TAFA2: variants seen among roughly 807,000 people sequenced by gnomAD.
The protein encoded by TAFA2 is TAFA chemokine like family member 2.
In TAFA2, 7 loss-of-function variants were observed where a neutral mutation model predicts 18.8. The observed-to-expected ratio is 0.37, with a 90% CI of 0.21 to 0.70. The LOEUF (loss-of-function observed/expected upper bound fraction) is 0.70. Ranked by LOEUF, TAFA2 falls within the 30% of genes least tolerant of loss-of-function variation. TAFA2 has a pLI of 0.53. For missense variants in TAFA2, 122 were observed against 158.1 expected (o/e 0.77, Z 1.23); for synonymous variants, 60 against 54.2 (o/e 1.11, Z -0.47).
intron 1 of TAFA2, among the ~76,000 whole-genome samples, chr12:62,227,943 C>G (rs967918394): frequency 1.3e-5 from 2 of 151,876 alleles, no homozygotes; most frequent in Admixed American, 1.3e-4. Context: ...TTTCTTGATT[C>G]TCTCTTCTGT....
intron 1 of TAFA2, among the ~76,000 whole-genome samples, chr12:61,905,252 A>G (rs2121327597): frequency 6.6e-6 from 1 of 152,304 alleles, no homozygotes; most frequent in South Asian, 2.1e-4. Context: ...ATAAGAGATT[A>G]CTGTTCAAAA....
chr12:61,769,216 A>G (rs1475130321), intron 2 of TAFA2, among the ~76,000 whole-genome samples: 1 of 151,992 alleles, frequency 6.6e-6, no homozygotes, highest in Non-Finnish European at 1.5e-5. Context: ...CTGAGCTCAG[A>G]CATACCTAAC....
chr12:62,108,148 C>A (rs1869547847), intron 1 of TAFA2, among the ~76,000 whole-genome samples: 1 of 152,108 alleles, frequency 6.6e-6, no homozygotes, highest in African/African-American at 2.4e-5. Flanking sequence ...GTCCCCCACC[C>A]CCCAACAGGC....
intron 1 of TAFA2, among the ~76,000 whole-genome samples, chr12:61,960,914 T>G (rs1878862912): frequency 6.6e-6 from 1 of 151,978 alleles, no homozygotes; most frequent in Non-Finnish European, 1.5e-5. Context: ...TATTTGCTAT[T>G]GTATGAGTCT....
intron 1 of TAFA2, among the ~76,000 whole-genome samples, chr12:61,964,299 AG>A (rs1193152683): frequency 1.3e-5 from 2 of 152,004 alleles, no homozygotes; most frequent in East Asian, 3.9e-4. Context: ...ATTCTTTATT[AG>A]AAAATTACAT....
chr12:62,108,552 G>A (rs918977838), intron 1 of TAFA2, among the ~76,000 whole-genome samples: 30 of 152,164 alleles, frequency 2.0e-4, no homozygotes, highest in Non-Finnish European at 5.9e-5. Flanking sequence ...GATCCTTGAG[G>A]AATCGCCACA....
chr12:62,026,451 CCTG>C (rs1465649034), intron 1 of TAFA2, among the ~76,000 whole-genome samples: 1 of 152,108 alleles, frequency 6.6e-6, no homozygotes, highest in Non-Finnish European at 1.5e-5. Flanking sequence ...CTTGGCAAAA[CCTG>C]GAAACATCTC....
At chr12:62,034,493 G>A (rs965970469) in intron 1 of TAFA2, among the ~76,000 whole-genome samples, 2 of 152,138 alleles carry the variant, frequency 1.3e-5, no homozygotes, top group African/African-American at 2.4e-5. Flanking sequence ...TAGATTAATC[G>A]TTTTAATAAG....
intron 1 of TAFA2, among the ~76,000 whole-genome samples, chr12:61,929,487 T>A (rs2121389593): frequency 6.6e-6 from 1 of 152,138 alleles, no homozygotes; most frequent in Admixed American, 6.5e-5. Context: ...ATGGCAATCA[T>A]TAAAAAGTCA....
chr12:61,955,127 T>TAG (rs1349487001), intron 1 of TAFA2, among the ~76,000 whole-genome samples: 5 of 152,138 alleles, frequency 3.3e-5, no homozygotes, highest in Non-Finnish European at 2.9e-5. Context: ...CACATATTGT[T>TAG]AGAGTAATAA....
At chr12:62,186,234 G>C (rs1291382754) in intron 1 of TAFA2, among the ~76,000 whole-genome samples, 1 of 152,150 alleles carries the variant, frequency 6.6e-6, no homozygotes. Flanking sequence ...GAAAGGTTCA[G>C]AATGTTTGCA....
intron 1 of TAFA2, among the ~76,000 whole-genome samples, chr12:62,058,535 A>G (rs1882246680): frequency 6.6e-6 from 1 of 152,212 alleles, no homozygotes; most frequent in Non-Finnish European, 1.5e-5. Flanking sequence ...TGAATGAGGC[A>G]AGGCAGTCAG....
intron 1 of TAFA2, among the ~76,000 whole-genome samples, chr12:62,093,995 T>C (rs959448589): frequency 1.3e-5 from 2 of 152,060 alleles, no homozygotes; most frequent in African/African-American, 2.4e-5. Flanking sequence ...TTAAAATGAA[T>C]GTAGCCTCCA....
chr12:61,817,774 T>C (rs1872145027), intron 2 of TAFA2, among the ~76,000 whole-genome samples: 1 of 152,166 alleles, frequency 6.6e-6, no homozygotes, highest in Admixed American at 6.5e-5. Flanking sequence ...ATGGCCAAAA[T>C]AAACATAAAT....
chr12:62,007,711 T>G (rs1188900143), intron 1 of TAFA2, among the ~76,000 whole-genome samples: 1 of 152,178 alleles, frequency 6.6e-6, no homozygotes, highest in East Asian at 1.9e-4. Flanking sequence ...TTTACTTTCT[T>G]TTAAATTGAT....
At position 62,243,438 on chromosome 12, in the gene TAFA2, T is replaced by A. The variant is rs1028378954; in HGVS notation, c.-130+15325A>T. On this transcript the variant is annotated intron_variant, in intron 1 of 5. Coordinates refer to the TAFA2 transcript ENST00000551619. ...TTATCAAGTAAATGAAGTAATTTTT[T>A]AAAAACATTATGCAGTTGATTACAC... Among the ~76,000 whole-genome samples the A allele has an allele frequency of 2.6e-5, 4 of 152,348 alleles. No individual in the cohort carries two copies. In the South Asian group the frequency reaches 6.2e-4, roughly 24 times the overall value.
chr12:62,059,296 G>A (rs1170322454), intron 1 of TAFA2, among the ~76,000 whole-genome samples: 1 of 151,680 alleles, frequency 6.6e-6, no homozygotes, highest in African/African-American at 2.4e-5. Flanking sequence ...CATCCTGGGC[G>A]ACAGAAGGAT....
chr12:62,254,369 A>C (rs1300883361), intron 1 of TAFA2, among the ~76,000 whole-genome samples: 2 of 152,198 alleles, frequency 1.3e-5, no homozygotes, highest in Non-Finnish European at 2.9e-5. Flanking sequence ...AGAACTAGTT[A>C]AGTATCGGAG....
intron 2 of TAFA2, among the ~76,000 whole-genome samples, chr12:61,832,206 C>T (rs553740829): frequency 1.3e-5 from 2 of 152,134 alleles, no homozygotes; most frequent in South Asian, 2.1e-4. Context: ...CGCAGAATAG[C>T]ACTGTATGGA....
Sources: gnomAD v4.1 joint callset for allele counts (sites outside exome capture counted in the v4.1 genomes callset) on GRCh38, gnomAD v4.1.1 for gene constraint, MANE v1.5 for transcripts, NCBI Gene and HGNC (gene_info 2026-07-23, HGNC 2026-07-21) for gene names.